Variants in PLCE1 observed in about 807,000 individuals in gnomAD.
The protein encoded by PLCE1 is 1-phosphatidylinositol 4,5-bisphosphate phosphodiesterase epsilon-1.
A neutral mutation model predicts 242.8 loss-of-function variants in PLCE1; 119 were observed. That is an observed-to-expected ratio of 0.49 (90% confidence interval 0.42 to 0.57). The LOEUF (loss-of-function observed/expected upper bound fraction) is 0.57. Among genes scored for constraint, PLCE1 ranks in the 20% least tolerant of loss-of-function variants. The probability of loss-of-function intolerance (pLI) is 0.00; values close to 1 mark genes in which losing one functional copy is unlikely to be tolerated. For synonymous variants in PLCE1, 945 were observed against 1,017.4 expected (o/e 0.93, Z 1.35); for missense variants, 2,441 against 2,788.8 (o/e 0.88, Z 2.81).
chr10:94,070,656 G>A (rs917040611), intron 2 of PLCE1, among the ~76,000 whole-genome samples: 4 of 152,194 alleles, frequency 2.6e-5, no homozygotes, highest in Admixed American at 6.5e-5. Flanking sequence ...AAACTTCCAA[G>A]CCTGTCCACA....
intron 4 of PLCE1, among the ~76,000 whole-genome samples, chr10:94,199,712 G>A (rs1288491594): frequency 6.6e-6 from 1 of 152,214 alleles, no homozygotes; most frequent in Non-Finnish European, 1.5e-5. Flanking sequence ...AAATGACCGA[G>A]ATGTAAATCA....
At chr10:94,314,083 TGTG>T (rs2053484673) in intron 28 of PLCE1, among the ~76,000 whole-genome samples, 1 of 152,162 alleles carries the variant, frequency 6.6e-6, no homozygotes, top group African/African-American at 2.4e-5. Context: ...GAAGGATCTT[TGTG>T]GCCTTCTGCA....
At chr10:94,265,340 T>A (rs1282730399) in intron 14 of PLCE1, among the ~76,000 whole-genome samples, 3 of 152,256 alleles carry the variant, frequency 2.0e-5, no homozygotes, top group Non-Finnish European at 4.4e-5. Flanking sequence ...TGGTAGCTGC[T>A]ATTATTATCC....
intron 5 of PLCE1, among the ~76,000 whole-genome samples, chr10:94,231,663 A>G (rs1001802697): frequency 4.0e-5 from 6 of 151,534 alleles, no homozygotes; most frequent in African/African-American, 1.5e-4. Context: ...AGTTTCATGG[A>G]AGACAATTTT....
chr10:94,165,818 G>T (rs1184527942), intron 3 of PLCE1, among the ~76,000 whole-genome samples: 1 of 151,494 alleles, frequency 6.6e-6, no homozygotes, highest in Non-Finnish European at 1.5e-5. Context: ...AGTGATTCTT[G>T]TGCCTCAGTC....
At chr10:94,186,411 A>G (rs534718772) in intron 4 of PLCE1, among the ~76,000 whole-genome samples, 1 of 152,308 alleles carries the variant, frequency 6.6e-6, no homozygotes, top group East Asian at 1.9e-4. Context: ...TGGGCATAGT[A>G]TTTTATATTT....
At chr10:94,017,520 C>T (rs529714706) in intron 1 of PLCE1, among the ~76,000 whole-genome samples, 28 of 152,148 alleles carry the variant, frequency 1.8e-4, no homozygotes, top group Admixed American at 1.6e-3. Context: ...CCTTGGGCAT[C>T]CACCCAGAAT....
Position 94,301,401 on chromosome 10 carries a change from A to G in PLCE1, c.5458+2732A>G, listed in dbSNP as rs564642129. Among the ~76,000 whole-genome samples, 3 of 152,236 alleles carry G rather than the reference A, an allele frequency of 2.0e-5. No homozygotes were observed. In the East Asian group the frequency reaches 5.8e-4, roughly 29 times the overall value. On this transcript the variant is annotated intron_variant, in intron 24 of 32. Coordinates refer to ENST00000371380, the MANE Select transcript of PLCE1 (RefSeq NM_016341.4). ...AGATAGATAGATCGAATAGATCGAT[A>G]AGAGTCAACAGTGGAAGCACCATTT...
rs922026946 is a variant in PLCE1, at chr10:94,327,111, G to A, written c.*25-857G>A. Among the ~76,000 whole-genome samples the A allele has an allele frequency of 3.3e-5, 5 of 152,054 alleles. No individual in the cohort carries two copies. The South Asian group carries it at 6.2e-4, about 19-fold the overall frequency. On this transcript the variant is annotated intron_variant, in intron 32 of 32. Transcript: ENST00000371380. ...CGGGAGACGGAGGTTGCAGTGAGCC[G>A]AGATTGCGCCACTGCACTCCAGCCT...
At chr10:94,144,965 C>G (rs61886307) in intron 3 of PLCE1, among the ~76,000 whole-genome samples, 30,156 of 152,142 alleles carry the variant, frequency 0.2, 3,181 homozygotes, top group South Asian at 0.3. Context: ...TGCCAGATAA[C>G]ATAGGCTCTT....
chr10:94,207,247 G>C (rs894656694), intron 4 of PLCE1, among the ~76,000 whole-genome samples: 1 of 152,204 alleles, frequency 6.6e-6, no homozygotes, highest in Admixed American at 6.5e-5. Context: ...TGGAGAAGGG[G>C]ACACACAGCT....
chr10:94,222,407 C>T (rs1323300422), intron 4 of PLCE1, among the ~76,000 whole-genome samples: 4 of 152,146 alleles, frequency 2.6e-5, no homozygotes, highest in African/African-American at 7.2e-5. Context: ...TTACCGAGGG[C>T]AGATCCTGAC....
intron 22 of PLCE1, among the ~76,000 whole-genome samples, chr10:94,285,420 G>A (rs559701669): frequency 2.6e-5 from 4 of 152,236 alleles, no homozygotes; most frequent in Non-Finnish European, 5.9e-5. Context: ...TTTGAAAGTG[G>A]CAGAAATTGA....
chr10:94,110,051 C>CT (rs2045896212), intron 2 of PLCE1, among the ~76,000 whole-genome samples: 1 of 74,442 alleles, frequency 1.3e-5, no homozygotes. Flanking sequence ...TCCTTTTTTT[C>CT]TTTTTTCTTT....
At chr10:94,181,715 C>T (rs546321271) in intron 4 of PLCE1, among the ~76,000 whole-genome samples, 1 of 152,190 alleles carries the variant, frequency 6.6e-6, no homozygotes, top group South Asian at 2.1e-4. Flanking sequence ...TCAAGACAAA[C>T]CAGAAGTTCA....
chr10:94,311,639 C>T (rs752140), intron 27 of PLCE1, among the ~76,000 whole-genome samples: 13,407 of 152,234 alleles, frequency 0.088, 667 homozygotes, highest in East Asian at 0.19. Flanking sequence ...CAAATCCATT[C>T]ATCTTGATCT....
intron 4 of PLCE1, among the ~76,000 whole-genome samples, chr10:94,187,918 T>C (rs2048534098): frequency 6.6e-6 from 1 of 152,136 alleles, no homozygotes; most frequent in Non-Finnish European, 1.5e-5. Context: ...AAGAAGTTTG[T>C]TGACATTTCC....
chr10:94,094,404 A>C (rs2135409679), intron 2 of PLCE1, among the ~76,000 whole-genome samples: 1 of 152,256 alleles, frequency 6.6e-6, no homozygotes, highest in East Asian at 1.9e-4. Context: ...CTAGAGGCAA[A>C]ATTGCCTCTG....
At chr10:94,228,637 C>G (rs934822312) in intron 5 of PLCE1, among the ~76,000 whole-genome samples, 1 of 152,092 alleles carries the variant, frequency 6.6e-6, no homozygotes, top group Non-Finnish European at 1.5e-5. Context: ...CTCCAGGTCC[C>G]TAGGTAGGGA....
Sources: allele counts gnomAD v4.1 joint callset (sites outside exome capture counted in the v4.1 genomes callset), GRCh38; gene constraint gnomAD v4.1.1; transcripts MANE v1.5; gene names NCBI Gene and HGNC (gene_info 2026-07-23, HGNC 2026-07-21).